The following SHISA9 variants were observed in gnomAD, a reference collection of about 807,000 sequenced individuals.
The protein encoded by SHISA9 is shisa family member 9, also known as protein shisa-9.
Under a neutral mutation model 38.0 loss-of-function variants are expected in SHISA9, and 13 were observed. That is an observed-to-expected ratio of 0.34 (90% CI 0.22 to 0.54). The LOEUF (loss-of-function observed/expected upper bound fraction) is 0.54. SHISA9 is among the 20% of genes least tolerant of loss of function. SHISA9 has a pLI of 0.91. For missense variants in SHISA9, 538 were observed against 575.8 expected, an observed-to-expected ratio of 0.93 and a Z score of 0.67; for synonymous variants, 275 against 242.0, an observed-to-expected ratio of 1.14 and a Z score of -1.27.
the SHISA9 span, among the ~76,000 whole-genome samples, chr16:13,485,069 G>T: frequency 1.3e-5 from 2 of 151,602 alleles, no homozygotes; most frequent in African/African-American, 2.4e-5. Context: ...TACATATGCA[G>T]AATGTGCATG....
At chr16:13,029,800 G>C (rs1395098414) in intron 2 of SHISA9, among the ~76,000 whole-genome samples, 2 of 152,192 alleles carry the variant, frequency 1.3e-5, no homozygotes, top group Non-Finnish European at 1.5e-5. Flanking sequence ...GAATTAGATA[G>C]ATCCACATCC....
chr16:13,094,087 C>T (rs964345897), intron 2 of SHISA9, among the ~76,000 whole-genome samples: 2 of 152,138 alleles, frequency 1.3e-5, no homozygotes, highest in East Asian at 1.9e-4. Flanking sequence ...TTTCCATTCT[C>T]TCTTTGTCCT....
chr16:13,518,723 T>C, the SHISA9 span, among the ~76,000 whole-genome samples: 1 of 152,336 alleles, frequency 6.6e-6, no homozygotes, highest in African/African-American at 2.4e-5. Context: ...ATTGAAATAA[T>C]ACTCTTAGTC....
chr16:13,035,055 G>A (rs183096893), intron 2 of SHISA9, among the ~76,000 whole-genome samples: 48 of 152,220 alleles, frequency 3.2e-4, no homozygotes, highest in Non-Finnish European at 2.2e-4. Context: ...AACATTATTT[G>A]GTGGATTGTC....
At chr16:13,112,525 G>C (rs1347388811) in intron 2 of SHISA9, among the ~76,000 whole-genome samples, 1 of 152,046 alleles carries the variant, frequency 6.6e-6, no homozygotes, top group Non-Finnish European at 1.5e-5. Flanking sequence ...GGGACCCCAC[G>C]CCACAGCTAC....
Position 13,042,465 on chromosome 16 carries a change from G to C in SHISA9, c.691+125650G>C, listed in dbSNP as rs117605469. Among the ~76,000 whole-genome samples the C allele has an allele frequency of 7.2e-3, 1,090 of 152,314 alleles. 7 individuals are homozygous for C. The highest frequency in any genetic ancestry group is 0.014 in the Middle Eastern group (4 of 294). The stretch of plus-strand genomic sequence containing the variant: ...TCCCAAACAGAGACACTCTTTGTAA[G>C]TATTTTACCAGGCTCTCAACAAATG... On this transcript the variant is annotated intron_variant, in intron 2 of 4. Coordinates refer to ENST00000558583, the MANE Select transcript of SHISA9 (RefSeq NM_001145204.3).
chr16:13,424,797 C>T, the SHISA9 span, among the ~76,000 whole-genome samples: 2 of 152,148 alleles, frequency 1.3e-5, no homozygotes, highest in African/African-American at 4.8e-5. Flanking sequence ...AAGCGTAGAC[C>T]AGAATCAGCC....
chr16:13,141,814 G>T (rs112063113), intron 2 of SHISA9, among the ~76,000 whole-genome samples: 28 of 152,232 alleles, frequency 1.8e-4, no homozygotes, highest in African/African-American at 6.7e-4. Context: ...AACATTACTT[G>T]CTGTTAGTCA....
intron 2 of SHISA9, among the ~76,000 whole-genome samples, chr16:13,146,171 C>A (rs993510955): frequency 6.6e-6 from 1 of 152,176 alleles, no homozygotes; most frequent in African/African-American, 2.4e-5. Flanking sequence ...GGCTGGGTGA[C>A]AGAGTGAGTG....
Position 13,238,860 on chromosome 16 carries a change from G to A in SHISA9, c.*3451G>A, listed in dbSNP as rs2051410818. Reference sequence around the variant, plus strand: ...TATTATTATTATTATTATACTTTAAGTTTTAGGGTACATGTGCACAATGTG... The same window carrying A: ...TATTATTATTATTATTATACTTTAAATTTTAGGGTACATGTGCACAATGTG... On this transcript the variant is annotated 3_prime_UTR_variant, in exon 5 of 5. Transcript: ENST00000558583. The A allele has an allele frequency of 7.5e-6, 1 of 133,720 alleles. No homozygotes were observed. 8.3% of individuals were successfully genotyped at this position (133,720 alleles called of 1,614,324 possible).
At chr16:13,397,060 A>G in the SHISA9 span, among the ~76,000 whole-genome samples, 1 of 152,190 alleles carries the variant, frequency 6.6e-6, no homozygotes, top group African/African-American at 2.4e-5. Flanking sequence ...TCCACTTATT[A>G]AACAGTAAAT....
Position 12,983,864 on chromosome 16 carries a change from T to C in SHISA9, c.691+67049T>C, listed in dbSNP as rs74012217. ...TACTCCTGATTCTCAGTTAGAGTCC[T>C]CTTTAGCTCAGGCTACTTTGAGGGG... is the stretch of plus-strand genomic sequence containing the variant. On this transcript the variant is annotated intron_variant, in intron 2 of 4. Transcript: ENST00000558583. Among the ~76,000 whole-genome samples, 988 of 152,310 alleles carry C rather than the reference T, an allele frequency of 6.5e-3. 7 individuals are homozygous for C. Among genetic ancestry groups the C allele is most frequent in the Middle Eastern group, 0.034 (10 of 294 alleles).
At chr16:13,225,121 A>G (rs552858804) in intron 4 of SHISA9, among the ~76,000 whole-genome samples, 2 of 152,236 alleles carry the variant, frequency 1.3e-5, no homozygotes, top group Non-Finnish European at 2.9e-5. Context: ...ATACACACAC[A>G]TGGAAAATGG....
chr16:13,101,170 AG>A (rs2073875517), intron 2 of SHISA9, among the ~76,000 whole-genome samples: 1 of 152,176 alleles, frequency 6.6e-6, no homozygotes, highest in South Asian at 2.1e-4. Context: ...AAGATGAATG[AG>A]CTCTGGAGAT....
chr16:13,018,088 G>C (rs2072779284), intron 2 of SHISA9, among the ~76,000 whole-genome samples: 1 of 152,196 alleles, frequency 6.6e-6, no homozygotes, highest in Admixed American at 6.5e-5. Context: ...TCAGAGTGCT[G>C]ACCCTTGGCC....
the SHISA9 span, among the ~76,000 whole-genome samples, chr16:13,259,633 G>C: frequency 6.6e-6 from 1 of 152,216 alleles, no homozygotes; most frequent in Non-Finnish European, 1.5e-5. Flanking sequence ...CCAAACCTCA[G>C]TTTTTGACTT....
chr16:13,021,446 T>A (rs2072852907), intron 2 of SHISA9, among the ~76,000 whole-genome samples: 1 of 152,104 alleles, frequency 6.6e-6, no homozygotes, highest in South Asian at 2.1e-4. Flanking sequence ...GAGTCTCCCA[T>A]GCATGGGGAC....
At chr16:13,480,408 GGAAATATT>G in the SHISA9 span, among the ~76,000 whole-genome samples, 1 of 152,112 alleles carries the variant, frequency 6.6e-6, no homozygotes, top group Non-Finnish European at 1.5e-5. Flanking sequence ...CTTGAATACA[GGAAATATT>G]TGGTAGTTCT....
chr16:13,512,177 A>G, the SHISA9 span, among the ~76,000 whole-genome samples: 1 of 152,200 alleles, frequency 6.6e-6, no homozygotes, highest in African/African-American at 2.4e-5. Flanking sequence ...ATAGAAATAC[A>G]AAATTATCCA....
Sources: allele counts gnomAD v4.1 joint callset (sites outside exome capture counted in the v4.1 genomes callset), GRCh38; gene constraint gnomAD v4.1.1; transcripts MANE v1.5; gene names NCBI Gene and HGNC (gene_info 2026-07-23, HGNC 2026-07-21).